RCCD1: variants seen among roughly 807,000 people sequenced by gnomAD.
RCCD1 encodes RCC1 domain-containing protein 1.
Under a neutral mutation model 37.6 loss-of-function variants are expected in RCCD1, and 40 were observed. That is an observed-to-expected ratio of 1.06 (90% CI 0.83 to 1.39). The LOEUF (loss-of-function observed/expected upper bound fraction) is 1.39, where lower values mean the gene tolerates loss of function less well. RCCD1 is among the 40% of genes most tolerant of loss of function. RCCD1 has a pLI of 0.00. For synonymous variants in RCCD1, 263 were observed against 230.0 expected (o/e 1.14, Z -1.30); for missense variants, 577 against 517.3 (o/e 1.12, Z -1.12).
rs1244533804 is a variant in RCCD1, at chr15:90,960,880, AGTT to A, written c.950-141_950-139del. The A allele has an allele frequency of 6.2e-6, 5 of 808,842 alleles. No homozygotes were observed. In the African/African-American group the frequency reaches 6.7e-5, roughly 11 times the overall value. 50.1% of individuals were successfully genotyped at this position (808,842 alleles called of 1,614,324 possible). A position where few individuals can be genotyped will look rare whatever the true frequency, so the allele number is the denominator to read the frequency against. ...TCTGCCATGCCACGTGTGATCAGCC[AGTT>A]GTTAAGAGAATATGTTGTTCCATGC... On this transcript the variant is annotated intron_variant, in intron 6 of 7. Coordinates refer to ENST00000394258, the MANE Select transcript of RCCD1 (RefSeq NM_001017919.2).
At chr15:90,958,072 G>A (rs959183722) in intron 4 of RCCD1, among the ~76,000 whole-genome samples, 6 of 152,248 alleles carry the variant, frequency 3.9e-5, no homozygotes, top group African/African-American at 1.4e-4. Context: ...CAGAAACGCT[G>A]CAGTTGCCTA....
In RCCD1 at chr15:90,961,694, G is replaced by A. The variant is rs1285265944; in HGVS notation, c.1056G>A (p.Lys352=). The A allele has an allele frequency of 1.9e-6, 3 of 1,614,070 alleles. No homozygotes were observed. Among genetic ancestry groups the A allele is most frequent in the Non-Finnish European group, 2.5e-6 (3 of 1,180,034 alleles). The change falls in exon 8 of 8, where the codon AAG becomes AAA. Residue 352 remains lysine, a synonymous_variant. Coordinates refer to ENST00000394258, the MANE Select transcript of RCCD1 (RefSeq NM_001017919.2). ...RPRRVEYFVD[K]QLQVKAVTCG... ...GCCGTGTGGAATACTTTGTAGATAAGCAACTCCAAGTAAAGGCTGTCACCT... is the reference window on the plus strand; with the variant it reads ...GCCGTGTGGAATACTTTGTAGATAAACAACTCCAAGTAAAGGCTGTCACCT...
At chr15:90,958,245 G>C (rs2037242515) in intron 4 of RCCD1, among the ~76,000 whole-genome samples, 1 of 152,182 alleles carries the variant, frequency 6.6e-6, no homozygotes, top group African/African-American at 2.4e-5. Context: ...CCCATGCAGA[G>C]AGGGTGAGGC....
chr15:90,955,346 C>CG (rs1273585145), intron 1 of RCCD1: 2 of 152,246 alleles, frequency 1.3e-5, no homozygotes, highest in Non-Finnish European at 2.9e-5. Flanking sequence ...GCCCGCTGGG[C>CG]GGGAGGCCTT....
Position 90,960,463 on chromosome 15 carries a change from CCAGCTGTGGATCCCGGCACA to C in RCCD1, c.924_943del (p.Ser309AspfsTer13), listed in dbSNP as rs763035264. On this transcript the variant is annotated frameshift_variant, in exon 6 of 8. Coordinates refer to ENST00000394258, the MANE Select transcript of RCCD1 (RefSeq NM_001017919.2). LOFTEE classifies it high-confidence loss of function. ...CCCATGGGCTCAGATGCAGTCAAGG[CCAGCTGTGGATCCCGGCACA>C]CAGCTGTGGTGACACGTGAGTGGGG... 3 of 1,612,350 alleles carry C rather than the reference CCAGCTGTGGATCCCGGCACA, an allele frequency of 1.9e-6. No individual in the cohort carries two copies. The highest frequency in any genetic ancestry group is 2.5e-6 in the Non-Finnish European group (3 of 1,179,962).
rs1269315262 is a variant in RCCD1 at position 90,954,891 on chromosome 15, G to A, written c.-181G>A. On this transcript the variant is annotated 5_prime_UTR_variant, in exon 1 of 8. Coordinates refer to ENST00000394258, the MANE Select transcript of RCCD1 (RefSeq NM_001017919.2). ...CCGTGGAAGGTAAAAGCTGCTTCCTGTTGGGGCATGAGTCCGGCGCGTGTC... is the reference window on the plus strand; with the variant it reads ...CCGTGGAAGGTAAAAGCTGCTTCCTATTGGGGCATGAGTCCGGCGCGTGTC... 3 of 152,376 alleles carry A rather than the reference G, an allele frequency of 2.0e-5. No individual in the cohort carries two copies. The highest frequency in any genetic ancestry group is 4.4e-5 in the Non-Finnish European group (3 of 68,132). 9.4% of individuals were successfully genotyped at this position (152,376 alleles called of 1,614,324 possible).
At chr15:90,956,539 C>G (rs763262729) in intron 1 of RCCD1, 73 bp from the exon 2 acceptor site, 2 of 445,196 alleles carry the variant, frequency 4.5e-6, no homozygotes, top group Non-Finnish European at 7.4e-6. Context: ...AGTCAGGGCG[C>G]CTGCTCAGCG....
intron 6 of RCCD1, 178 bp from the exon 7 acceptor site, chr15:90,960,847 C>A: frequency 1.4e-6 from 1 of 706,998 alleles, no homozygotes. Flanking sequence ...CTTTTTCCCT[C>A]GGGATCCTCT....
chr15:90,957,024 TC>T, intron 2 of RCCD1, 88 bp from the exon 3 acceptor site: 1 of 1,288,680 alleles, frequency 7.8e-7, no homozygotes, highest in Non-Finnish European at 9.8e-7. Flanking sequence ...TCTGGGTTGG[TC>T]CCCAATTCGA....
chr15:90,956,156 A>C (rs909614521), intron 1 of RCCD1, among the ~76,000 whole-genome samples: 2 of 152,220 alleles, frequency 1.3e-5, no homozygotes, highest in Non-Finnish European at 2.9e-5. Context: ...TTGCAGAGGC[A>C]CTGCCTCCCA....
intron 4 of RCCD1, among the ~76,000 whole-genome samples, chr15:90,959,200 G>C (rs944175447): frequency 6.6e-6 from 1 of 152,194 alleles, no homozygotes; most frequent in Non-Finnish European, 1.5e-5. Context: ...CGTAAATGGT[G>C]ATATTGTCAT....
At chr15:90,956,931 TCCAGCCGCGCTCC>T (rs775499853) in intron 2 of RCCD1, 31 bp downstream of exon 2, 1 of 1,269,822 alleles carries the variant, frequency 7.9e-7, no homozygotes, top group East Asian at 3.1e-5. Flanking sequence ...CCCCACTTAT[TCCAGCCGCGCTCC>T]CCAGTCGCCT....
chr15:90,961,861 C>T lies in RCCD1; in HGVS notation c.*92C>T. 5 of 1,329,836 alleles carry T rather than the reference C, an allele frequency of 3.8e-6. No homozygotes were observed. Among genetic ancestry groups the T allele is most frequent in the Non-Finnish European group, 5.2e-6 (5 of 958,140 alleles). 82.4% of individuals were successfully genotyped at this position (1,329,836 alleles called of 1,614,324 possible). ...TGCACCCCAAGGGCCCCATATTTGC[C>T]CCTCCCCATCACAGTCCTGCCCTTC... On this transcript the variant is annotated 3_prime_UTR_variant, in exon 8 of 8. Coordinates refer to ENST00000394258, the MANE Select transcript of RCCD1 (RefSeq NM_001017919.2).
chr15:90,955,896 TTCTG>T (rs2037178530), intron 1 of RCCD1: 1 of 152,022 alleles, frequency 6.6e-6, no homozygotes, highest in African/African-American at 2.4e-5. Flanking sequence ...ACAGTTGAAA[TTCTG>T]TCTGTATAAG....
At chr15:90,956,922 C>A in intron 2 of RCCD1, 22 bp downstream of exon 2, 1 of 1,273,566 alleles carries the variant, frequency 7.9e-7, no homozygotes, top group Non-Finnish European at 9.9e-7. Flanking sequence ...CCGCCCCGTC[C>A]CCACTTATTC....
Position 90,957,105 on chromosome 15 carries a change from C to A in RCCD1, c.167-8C>A, listed in dbSNP as rs1354914493. On this transcript the variant is annotated splice_region_variant and splice_polypyrimidine_tract_variant and intron_variant, in intron 2 of 7. Transcript: ENST00000394258. The stretch of plus-strand genomic sequence containing the variant: ...ATTCTGGCCACCCTGCTCCAATCCG[C>A]CCCGCAGGTGGAGGCCGCTTGGAGC... 3 of 1,342,598 alleles carry A rather than the reference C, an allele frequency of 2.2e-6. No homozygotes were observed. Among genetic ancestry groups the A allele is most frequent in the Non-Finnish European group, 2.9e-6 (3 of 1,052,466 alleles). 83.2% of individuals were successfully genotyped at this position (1,342,598 alleles called of 1,614,324 possible).
Position 90,957,094 on chromosome 15 carries a change from G to C in RCCD1, c.167-19G>C. On this transcript the variant is annotated intron_variant, in intron 2 of 7. Coordinates refer to ENST00000394258, the MANE Select transcript of RCCD1 (RefSeq NM_001017919.2). ...CCGCCGCCTCCATTCTGGCCACCCT[G>C]CTCCAATCCGCCCCGCAGGTGGAGG... The C allele has an allele frequency of 7.5e-7, 1 of 1,339,848 alleles. No individual in the cohort carries two copies. Among genetic ancestry groups the C allele is most frequent in the Non-Finnish European group, 9.5e-7 (1 of 1,050,980 alleles). The allele number at this position is 1,339,848 out of a possible 1,614,324, so 83.0% of individuals were successfully genotyped here.
intron 7 of RCCD1, chr15:90,961,360 A>G (rs2037311000): frequency 6.9e-6 from 4 of 580,862 alleles, no homozygotes; most frequent in Non-Finnish European, 1.2e-5. Flanking sequence ...GGGTGGAGAA[A>G]AAGATTCGAT....
chr15:90,959,645 A>G (rs2037273974), intron 4 of RCCD1: 1 of 309,426 alleles, frequency 3.2e-6, no homozygotes. Flanking sequence ...CATTTCTGAA[A>G]TGAGGGGCTA....
Sources: gnomAD v4.1 joint callset for allele counts (sites outside exome capture counted in the v4.1 genomes callset) on GRCh38, gnomAD v4.1.1 for gene constraint, MANE v1.5 for transcripts, NCBI Gene and HGNC (gene_info 2026-07-23, HGNC 2026-07-21) for gene names.